CCDC197: variants seen among roughly 807,000 people sequenced by gnomAD.
The protein encoded by CCDC197 is uncharacterized protein CCDC197.
In CCDC197, 24 loss-of-function variants were observed where a neutral mutation model predicts 13.4. The observed-to-expected ratio is 1.80, with a 90% CI of 1.30 to 2.53. The LOEUF is 2.53. Ranked by LOEUF, CCDC197 falls within the 30% of genes most tolerant of loss-of-function variation. The probability of loss-of-function intolerance (pLI) is 0.00; values close to 1 mark genes in which losing one functional copy is unlikely to be tolerated. For missense variants in CCDC197, 255 were observed against 148.8 expected, an observed-to-expected ratio of 1.71 and a Z score of -3.71; for synonymous variants, 99 against 55.5, an observed-to-expected ratio of 1.78 and a Z score of -3.48.
At chr14:93,999,548 G>C in intron 2 of CCDC197, 35 bp from the exon 3 acceptor site, 1 of 779,850 alleles carries the variant, frequency 1.3e-6, no homozygotes, top group Non-Finnish European at 2.4e-6. Flanking sequence ...TGACCTGGGA[G>C]CCTCCAGGCC....
chr14:93,987,922 G>C (rs1034982229), intron 1 of CCDC197, among the ~76,000 whole-genome samples: 37 of 143,214 alleles, frequency 2.6e-4, no homozygotes, highest in African/African-American at 7.9e-4. Context: ...CCTCAGGGAG[G>C]ACAGCGCGGG....
At chr14:93,989,677 C>G (rs12432478) in intron 1 of CCDC197, among the ~76,000 whole-genome samples, 15,046 of 152,232 alleles carry the variant, frequency 0.099, 1,364 homozygotes, top group African/African-American at 0.25. Flanking sequence ...AAGATCAAAA[C>G]CCAAGATCAA....
downstream of CCDC197, among the ~76,000 whole-genome samples, chr14:94,009,329 T>C (rs776263857): frequency 6.6e-5 from 10 of 152,172 alleles, no homozygotes; most frequent in African/African-American, 9.7e-5. Flanking sequence ...GGTTGGTACC[T>C]TCTGCCCATC....
chr14:94,004,918 G>A lies in CCDC197; in HGVS notation c.562G>A (p.Ala188Thr), dbSNP rs1272286573. 1.4e-6 allele frequency: 1 copy of A among 702,816 alleles called. No homozygotes were observed. The highest frequency in any genetic ancestry group is 2.6e-6 in the Non-Finnish European group (1 of 384,982). The allele number at this position is 702,816 out of a possible 1,614,324, so 43.5% of individuals were successfully genotyped here. A position where few individuals can be genotyped will look rare whatever the true frequency, so the allele number is the denominator to read the frequency against. ...CATGGCCCGGCAGTGCTGCCCCTCT[G>A]CCCACGGCGTGCCCAAGAGCATGGA... ...TNMARQCCPSAHGVPKSMDLF... is the reference protein window; with the variant it reads ...TNMARQCCPSTHGVPKSMDLF... The change falls in exon 6 of 7, where the codon GCC becomes ACC. Residue 188 changes from alanine (A) to threonine (T), a missense_variant. By Grantham distance (58) the Ala-to-Thr change is moderately conservative. Transcript: ENST00000636493.
At chr14:93,996,285 G>T (rs1890300506), upstream of CCDC197, among the ~76,000 whole-genome samples, 1 of 152,176 alleles carries the variant, frequency 6.6e-6, no homozygotes, top group Admixed American at 6.5e-5. Context: ...TAAGCGAGGG[G>T]CTCTAGGACC....
At chr14:93,991,582 C>G (rs1001464159) in intron 1 of CCDC197, among the ~76,000 whole-genome samples, 13 of 152,192 alleles carry the variant, frequency 8.5e-5, no homozygotes, top group African/African-American at 3.1e-4. Context: ...CACGGAGACT[C>G]CAGCAGGGAC....
At chr14:93,993,357 T>C (rs1054261731), upstream of CCDC197, among the ~76,000 whole-genome samples, 1 of 152,238 alleles carries the variant, frequency 6.6e-6, no homozygotes, top group Non-Finnish European at 1.5e-5. Flanking sequence ...CATATCTTTC[T>C]AGACTTTCTC....
chr14:93,992,496 G>A (rs2141340764), upstream of CCDC197, among the ~76,000 whole-genome samples: 1 of 152,288 alleles, frequency 6.6e-6, no homozygotes, highest in Admixed American at 6.5e-5. Context: ...GATGGTTCTG[G>A]GACAGAAGAA....
intron 6 of CCDC197, among the ~76,000 whole-genome samples, chr14:94,005,522 T>A (rs1469919790): frequency 6.6e-6 from 1 of 152,242 alleles, no homozygotes; most frequent in African/African-American, 2.4e-5. Context: ...TCAGTCAGGA[T>A]GCTGTTACTG....
At chr14:93,994,533 G>C (rs1465494271), upstream of CCDC197, among the ~76,000 whole-genome samples, 3 of 152,216 alleles carry the variant, frequency 2.0e-5, no homozygotes, top group Non-Finnish European at 4.4e-5. Context: ...GGGCCTGGGT[G>C]GGAGAAACGG....
chr14:94,001,759 T>C (rs1008389959), intron 4 of CCDC197: 1 of 154,474 alleles, frequency 6.5e-6, no homozygotes, highest in African/African-American at 2.4e-5. Flanking sequence ...TCCCTTCCTT[T>C]GTAGTTATCG....
At chr14:94,000,457 G>A (rs1257374006) in intron 3 of CCDC197, among the ~76,000 whole-genome samples, 2 of 152,144 alleles carry the variant, frequency 1.3e-5, no homozygotes, top group African/African-American at 4.8e-5. Flanking sequence ...GATCAGGGAA[G>A]GCTTCCTGGA....
chr14:94,000,875 C>T (rs960667005), intron 3 of CCDC197: 3 of 357,028 alleles, frequency 8.4e-6, no homozygotes, highest in African/African-American at 4.3e-5. Context: ...TCTCCCGCCT[C>T]GCTCGGTGGT....
At chr14:93,993,506 C>G (rs542411068), upstream of CCDC197, among the ~76,000 whole-genome samples, 2 of 152,326 alleles carry the variant, frequency 1.3e-5, no homozygotes, top group African/African-American at 4.8e-5. Context: ...AGTACTTTTC[C>G]TGAGGCCACA....
chr14:93,993,022 T>C (rs1890236063), upstream of CCDC197, among the ~76,000 whole-genome samples: 1 of 152,102 alleles, frequency 6.6e-6, no homozygotes, highest in Non-Finnish European at 1.5e-5. Flanking sequence ...CAGGTCTTAG[T>C]AAAATTCTGG....
chr14:94,007,606 G>A (rs1890720587), intron 6 of CCDC197: 1 of 152,116 alleles, frequency 6.6e-6, no homozygotes, highest in Non-Finnish European at 1.5e-5. Context: ...CCTCTACCAG[G>A]GCACATCTTG....
chr14:93,996,391 C>T (rs1890306095), upstream of CCDC197, among the ~76,000 whole-genome samples: 1 of 152,166 alleles, frequency 6.6e-6, no homozygotes, highest in South Asian at 2.1e-4. Flanking sequence ...GGGATGAGTC[C>T]AAACCCCTGC....
At chr14:93,987,403 G>T (rs1055334866) in intron 1 of CCDC197, 1 of 152,372 alleles carries the variant, frequency 6.6e-6, no homozygotes, top group African/African-American at 2.4e-5. Flanking sequence ...GCAGGTGACT[G>T]CATTTTGCCA....
In CCDC197 at chr14:93,988,874, G is replaced by A. The variant is rs145420936; in HGVS notation, c.-107+1478G>A. Among the ~76,000 whole-genome samples, 106 of 143,452 alleles carry A rather than the reference G, an allele frequency of 7.4e-4. 4 individuals are homozygous for A. In the East Asian group the frequency reaches 0.015, roughly 20 times the overall value. 94.1% of individuals were successfully genotyped at this position (143,452 alleles called of 152,430 possible). A position where few individuals can be genotyped will look rare whatever the true frequency, so the allele number is the denominator to read the frequency against. On this transcript the variant is annotated intron_variant, in intron 1 of 7. Coordinates refer to the CCDC197 transcript ENST00000640978. ...ATGGGAGGAGGGGATGGAAGGAGGA[G>A]ATGGGACGAGGGGATGGGAGACGGG...
Sources: gnomAD v4.1 joint callset for allele counts (sites outside exome capture counted in the v4.1 genomes callset) on GRCh38, gnomAD v4.1.1 for gene constraint, MANE v1.5 for transcripts, NCBI Gene and HGNC (gene_info 2026-07-23, HGNC 2026-07-21) for gene names.